CELSR1: variants seen among roughly 807,000 people sequenced by gnomAD.
CELSR1 encodes adhesion G protein-coupled receptor C1.
In CELSR1, 110 loss-of-function variants were observed where a neutral mutation model predicts 249.1. The ratio of observed to expected loss-of-function variants is 0.44; its 90% CI spans 0.38 to 0.52. The LOEUF (loss-of-function observed/expected upper bound fraction) is 0.52. CELSR1 is among the 20% of genes least tolerant of loss of function. CELSR1 has a pLI of 0.00. For missense variants in CELSR1, 4,109 were observed against 4,296.4 expected (o/e 0.96, Z 1.22); for synonymous variants, 2,113 against 1,900.0 (o/e 1.11, Z -2.92).
Position 46,363,730 on chromosome 22 carries a change from G to A in CELSR1, c.9035+266C>T, listed in dbSNP as rs1345621410. 10 of 529,544 alleles carry A rather than the reference G, an allele frequency of 1.9e-5. No individual in the cohort carries two copies. In the East Asian group the frequency reaches 2.3e-4, roughly 12 times the overall value. 32.8% of individuals were successfully genotyped at this position (529,544 alleles called of 1,614,324 possible). On this transcript the variant is annotated intron_variant, in intron 34 of 34. Transcript: ENST00000674500. The surrounding 1 kb of genome is among the most constrained non-coding windows in gnomAD (Gnocchi z 4.3). ...TCAAACGCAGAGCCCAGCACCTTAG[G>A]TCCTAGCATTTTGGGGCTGGCCAGG...
Position 46,427,939 on chromosome 22 carries a change from CCG to C in CELSR1, c.4611+5452_4611+5453del, listed in dbSNP as rs1309422064. On this transcript the variant is annotated intron_variant, in intron 5 of 34. Transcript: ENST00000674500. The surrounding 1 kb of genome is among the most constrained non-coding windows in gnomAD (Gnocchi z 4.2). ...CATGTGCAGAAACGGAGAAGCTCCCCCGACCCCAGGGGTGCTCCGGGGGTACA... is the reference window on the plus strand; with the variant it reads ...CATGTGCAGAAACGGAGAAGCTCCCCACCCCAGGGGTGCTCCGGGGGTACA... Among the ~76,000 whole-genome samples the C allele has an allele frequency of 2.0e-5, 3 of 152,126 alleles. No homozygotes were observed. The highest frequency in any genetic ancestry group is 2.9e-5 in the Non-Finnish European group (2 of 68,016).
chr22:46,386,328 C>A, intron 19 of CELSR1, 74 bp downstream of exon 19: 1 of 1,417,466 alleles, frequency 7.1e-7, no homozygotes, highest in Non-Finnish European at 9.3e-7. Flanking sequence ...CCTGCTTCAC[C>A]CCATGGGGGC....
At chr22:46,444,878 A>T (rs891925092) in intron 2 of CELSR1, among the ~76,000 whole-genome samples, 4 of 152,102 alleles carry the variant, frequency 2.6e-5, no homozygotes, top group African/African-American at 9.7e-5. Flanking sequence ...CTCTGTCCTC[A>T]CAAGGCCGTC....
chr22:46,404,078 G>T (rs1484654493), intron 9 of CELSR1, among the ~76,000 whole-genome samples: 1 of 151,304 alleles, frequency 6.6e-6, no homozygotes, highest in Admixed American at 6.6e-5. Context: ...TCTTTGACCT[G>T]CAATTATGCT....
rs771567986 is a variant in CELSR1 at position 46,536,174 on chromosome 22, G to C, written c.997C>G (p.Arg333Gly). 1.9e-6 allele frequency: 3 copies of C among 1,612,730 alleles called. No individual in the cohort carries two copies. Among genetic ancestry groups the C allele is most frequent in the Non-Finnish European group, 2.5e-6 (3 of 1,180,004 alleles). Residue 333 changes from arginine to glycine, a missense_variant, in exon 1 of 35, where the codon CGC (arginine) becomes GGC (glycine). By Grantham distance (125) the Arg-to-Gly change is moderately radical (BLOSUM62 -2). Around this residue, in one of 7 missense-constraint regions of CELSR1, gnomAD observed 673 missense variants for 636.8 expected, o/e 1.06. Coordinates refer to ENST00000674500, the MANE Select transcript of CELSR1 (RefSeq NM_001378328.1). ...VKAVDYSTPP[R>G]SATTYITVLV... Reference sequence around the variant, plus strand: ...ACAGTGATGTAGGTGGTGGCCGAGCGCGGCGGCGTACTGTAGTCCACGGCT... The same window carrying C: ...ACAGTGATGTAGGTGGTGGCCGAGCCCGGCGGCGTACTGTAGTCCACGGCT...
intron 27 of CELSR1, among the ~76,000 whole-genome samples, chr22:46,368,815 C>T (rs1175204555): frequency 6.6e-6 from 1 of 152,068 alleles, no homozygotes; most frequent in East Asian, 1.9e-4. Flanking sequence ...CTCCAGTGGC[C>T]TCAGCAACAC....
intron 1 of CELSR1, among the ~76,000 whole-genome samples, chr22:46,483,385 CTTTTT>C (rs10647586): frequency 3.7e-5 from 3 of 81,214 alleles, no homozygotes; most frequent in South Asian, 5.2e-4. Context: ...CTATTCCTGA[CTTTTT>C]TTTTTTTTTT....
intron 1 of CELSR1, among the ~76,000 whole-genome samples, chr22:46,495,820 A>C (rs1283239140): frequency 6.6e-6 from 1 of 152,210 alleles, no homozygotes; most frequent in African/African-American, 2.4e-5. Flanking sequence ...CATCTCAAAA[A>C]ATATATTTTT....
intron 1 of CELSR1, among the ~76,000 whole-genome samples, chr22:46,515,274 C>T (rs1014153445): frequency 5.3e-5 from 8 of 152,350 alleles, no homozygotes; most frequent in African/African-American, 1.9e-4. Flanking sequence ...CTGGGCCCTC[C>T]TGGGGAGAGC....
At chr22:46,388,872 C>T (rs578130002) in intron 18 of CELSR1, among the ~76,000 whole-genome samples, 5 of 152,276 alleles carry the variant, frequency 3.3e-5, no homozygotes, top group Admixed American at 3.3e-4. Flanking sequence ...CACTGCCGGG[C>T]CCTGCCCCTT....
At chr22:46,456,442 G>C (rs1028158043) in intron 2 of CELSR1, among the ~76,000 whole-genome samples, 2 of 152,010 alleles carry the variant, frequency 1.3e-5, no homozygotes, top group Non-Finnish European at 2.9e-5. Flanking sequence ...GGCAGATCAC[G>C]AGGTCAGGAG....
chr22:46,375,637 G>A (rs573040342), intron 24 of CELSR1, among the ~76,000 whole-genome samples: 10 of 149,114 alleles, frequency 6.7e-5, no homozygotes, highest in South Asian at 4.3e-4. Flanking sequence ...TCTGCCTCCC[G>A]GGTTCAAGCG....
chr22:46,467,001 C>T (rs2080103787), intron 1 of CELSR1, among the ~76,000 whole-genome samples: 1 of 152,168 alleles, frequency 6.6e-6, no homozygotes, highest in Admixed American at 6.6e-5. Context: ...GCCGTGCTGC[C>T]TCCCTGATCT....
intron 1 of CELSR1, among the ~76,000 whole-genome samples, chr22:46,508,106 C>T (rs967524349): frequency 2.2e-4 from 34 of 152,314 alleles, no homozygotes; most frequent in African/African-American, 7.7e-4. Flanking sequence ...ACAGCCTGTA[C>T]ATGCCCCTTT....
intron 1 of CELSR1, among the ~76,000 whole-genome samples, chr22:46,504,885 G>C (rs1172601494): frequency 6.6e-6 from 1 of 152,132 alleles, no homozygotes; most frequent in African/African-American, 2.4e-5. Context: ...ATATGAAAAA[G>C]AAACTTGGAA....
At chr22:46,419,826 C>T (rs529574174) in intron 5 of CELSR1, among the ~76,000 whole-genome samples, 9 of 151,286 alleles carry the variant, frequency 5.9e-5, no homozygotes, top group African/African-American at 2.2e-4. Flanking sequence ...TACTCGTGCA[C>T]ATTTACCCAC....
At chr22:46,365,511 G>A (rs2078758978) in intron 31 of CELSR1, 75 bp downstream of exon 31, 1 of 1,539,062 alleles carries the variant, frequency 6.5e-7, no homozygotes, top group Non-Finnish European at 8.8e-7. Flanking sequence ...GCTTCTTCAG[G>A]GGCAGTCTGT....
At chr22:46,376,981 T>G (rs1427005490) in intron 24 of CELSR1, 80 bp downstream of exon 24, 1 of 1,459,828 alleles carries the variant, frequency 6.9e-7, no homozygotes, top group African/African-American at 1.4e-5. Context: ...GCCAGGGTGC[T>G]TGGAGTGGCC....
At chr22:46,531,107 T>G (rs952159910) in intron 1 of CELSR1, among the ~76,000 whole-genome samples, 1 of 152,240 alleles carries the variant, frequency 6.6e-6, no homozygotes, top group African/African-American at 2.4e-5. Context: ...TCTGGAACCA[T>G]AGATCTTATA....
Sources: allele counts gnomAD v4.1 joint callset (sites outside exome capture counted in the v4.1 genomes callset), GRCh38; gene constraint gnomAD v4.1.1; regional missense constraint gnomAD v4.1.1; non-coding constraint Gnocchi (gnomAD v3.1); transcripts MANE v1.5; gene names NCBI Gene and HGNC (gene_info 2026-07-23, HGNC 2026-07-21).